The following FGF13 variants were observed in gnomAD, a reference collection of about 807,000 sequenced individuals.
The protein encoded by FGF13 is fibroblast growth factor homologous factor 2.
Under a neutral mutation model 19.5 loss-of-function variants are expected in FGF13, and 2 were observed. The ratio of observed to expected loss-of-function variants is 0.10; its 90% CI spans 0.04 to 0.32. The LOEUF is 0.32. FGF13 is among the 10% of genes least tolerant of loss of function. The pLI is 1.00. For missense variants in FGF13, 113 were observed against 192.7 expected, an observed-to-expected ratio of 0.59 and a Z score of 2.45; for synonymous variants, 72 against 76.9, an observed-to-expected ratio of 0.94 and a Z score of 0.33.
At chrX:138,699,305 C>A (rs1311673401) in intron 3 of FGF13, among the ~76,000 whole-genome samples, 1 of 111,763 alleles carries the variant, frequency 8.9e-6, no homozygotes, top group African/African-American at 3.3e-5. Context: ...ATCTCTTCTG[C>A]AGCTCGACTC....
At chrX:138,999,019 G>A (rs1406421163) in intron 1 of FGF13, among the ~76,000 whole-genome samples, 1 of 111,920 alleles carries the variant, frequency 8.9e-6, no homozygotes, top group Non-Finnish European at 1.9e-5. Context: ...TTAGAACTCA[G>A]GATTAAGAAA....
chrX:138,934,867 A>C (rs1445071460), intron 1 of FGF13, among the ~76,000 whole-genome samples: 2 of 108,474 alleles, frequency 1.8e-5, no homozygotes, highest in Non-Finnish European at 3.8e-5. Context: ...TAAAAGTTTT[A>C]AATGTCTGGC....
At chrX:138,929,046 C>G (rs1326075365) in intron 1 of FGF13, among the ~76,000 whole-genome samples, 1 of 111,786 alleles carries the variant, frequency 8.9e-6, no homozygotes, top group Non-Finnish European at 1.9e-5. Flanking sequence ...GTTCTCTTCT[C>G]AAAGTCATAC....
At chrX:139,008,825 C>T (rs189400628) in intron 1 of FGF13, among the ~76,000 whole-genome samples, 5 of 111,848 alleles carry the variant, frequency 4.5e-5, no homozygotes, top group East Asian at 5.6e-4. Context: ...TACCAGCTAA[C>T]CAGCAATGAA....
chrX:138,982,214 G>A (rs779697581), intron 1 of FGF13, among the ~76,000 whole-genome samples: 2 of 111,349 alleles, frequency 1.8e-5, no homozygotes, highest in Non-Finnish European at 3.8e-5. Context: ...GGTATCATCA[G>A]GATTCAGGGA....
chrX:138,949,275 G>A (rs186656273), intron 1 of FGF13, among the ~76,000 whole-genome samples: 1 of 111,854 alleles, frequency 8.9e-6, no homozygotes, highest in Non-Finnish European at 1.9e-5. Context: ...CAGTACAGTA[G>A]GCTAGACATT....
At chrX:138,872,311 C>A (rs1403467416) in intron 1 of FGF13, among the ~76,000 whole-genome samples, 1 of 111,871 alleles carries the variant, frequency 8.9e-6, no homozygotes, top group Non-Finnish European at 1.9e-5. Context: ...AGAGACATCC[C>A]ACAGTTAGCT....
chrX:138,674,586 G>T (rs1024976058), intron 3 of FGF13, among the ~76,000 whole-genome samples: 2 of 110,860 alleles, frequency 1.8e-5, no homozygotes, highest in African/African-American at 6.6e-5. Context: ...GGAGGTTGAG[G>T]AACTGAGAAA....
At chrX:139,073,141 C>G (rs902653533) in intron 1 of FGF13, among the ~76,000 whole-genome samples, 36 of 105,084 alleles carry the variant, frequency 3.4e-4, no homozygotes, top group Non-Finnish European at 6.3e-4. Context: ...TTTCCCCCCC[C>G]CCTTTTCTGT....
At chrX:138,730,607 A>C (rs1569377244) in intron 1 of FGF13, among the ~76,000 whole-genome samples, 1 of 111,552 alleles carries the variant, frequency 9.0e-6, no homozygotes, top group African/African-American at 3.2e-5. Flanking sequence ...AATAATAAAA[A>C]TAATGTAATA....
chrX:139,125,785 T>A (rs1416864673), intron 1 of FGF13, among the ~76,000 whole-genome samples: 9 of 111,159 alleles, frequency 8.1e-5, no homozygotes, highest in Non-Finnish European at 1.5e-4. Flanking sequence ...AAAGGGATAG[T>A]CTGGTAGGTG....
At chrX:139,192,908 T>C (rs757375608) in intron 1 of FGF13, among the ~76,000 whole-genome samples, 1 of 111,955 alleles carries the variant, frequency 8.9e-6, no homozygotes, top group East Asian at 2.8e-4. Flanking sequence ...CTAAGAAAAC[T>C]TGCAAAATAT....
intron 1 of FGF13, among the ~76,000 whole-genome samples, chrX:139,059,043 G>A (rs2092327874): frequency 1.8e-5 from 2 of 111,178 alleles, no homozygotes; most frequent in African/African-American, 6.5e-5. Context: ...AAAAGGGGGT[G>A]GAGAAAGAAA....
intron 1 of FGF13, among the ~76,000 whole-genome samples, chrX:139,067,440 G>A (rs1038904381): frequency 9.0e-6 from 1 of 111,498 alleles, no homozygotes; most frequent in Admixed American, 9.5e-5. Context: ...CAAAGTGTCA[G>A]GATACAAAAT....
intron 1 of FGF13, among the ~76,000 whole-genome samples, chrX:138,871,051 C>T (rs933994962): frequency 1.8e-5 from 2 of 111,851 alleles, no homozygotes; most frequent in East Asian, 5.6e-4. Context: ...GTTGTTTGAG[C>T]CCCTAAGTTT....
chrX:139,055,731 G>C (rs1257471061), intron 1 of FGF13, among the ~76,000 whole-genome samples: 1 of 112,125 alleles, frequency 8.9e-6, no homozygotes. Flanking sequence ...GATTCCTTTG[G>C]GGCATTGCCC....
chrX:139,042,234 G>T (rs1049102041), intron 1 of FGF13, among the ~76,000 whole-genome samples: 7 of 112,318 alleles, frequency 6.2e-5, no homozygotes, highest in African/African-American at 2.3e-4. Context: ...CTTAGCAAGA[G>T]ATGGGTGTTC....
chrX:139,119,546 C>A (rs1288757422), intron 1 of FGF13, among the ~76,000 whole-genome samples: 1 of 111,472 alleles, frequency 9.0e-6, no homozygotes, highest in Non-Finnish European at 1.9e-5. Context: ...AAACTTAGTT[C>A]TTGTAGGCTC....
chrX:139,200,886 A>T (rs2084409802), intron 1 of FGF13, among the ~76,000 whole-genome samples: 1 of 112,466 alleles, frequency 8.9e-6, no homozygotes, highest in Non-Finnish European at 1.9e-5. Context: ...ATCTTATGTG[A>T]CAAGGTAGAG....
Sources: gnomAD v4.1 joint callset for allele counts (sites outside exome capture counted in the v4.1 genomes callset) on GRCh38, gnomAD v4.1.1 for gene constraint, MANE v1.5 for transcripts, NCBI Gene and HGNC (gene_info 2026-07-23, HGNC 2026-07-21) for gene names.